Variants in PPARGC1A observed in about 807,000 individuals in gnomAD.
The protein encoded by PPARGC1A is PPARG coactivator 1 alpha, also known as peroxisome proliferator-activated receptor gamma coactivator 1-alpha.
Under a neutral mutation model 88.7 loss-of-function variants are expected in PPARGC1A, and 25 were observed. The observed-to-expected ratio is 0.28, with a 90% CI of 0.21 to 0.39. The LOEUF (loss-of-function observed/expected upper bound fraction) is 0.39, where lower values mean the gene tolerates loss of function less well. PPARGC1A is among the 10% of genes least tolerant of loss of function. The pLI, the probability that PPARGC1A is intolerant of heterozygous loss-of-function variation, is 1.00. For synonymous variants in PPARGC1A, 363 were observed against 355.6 expected, an observed-to-expected ratio of 1.02 and a Z score of -0.24; for missense variants, 880 against 968.7, an observed-to-expected ratio of 0.91 and a Z score of 1.22.
rs561719414 is a variant in PPARGC1A at position 23,806,919 on chromosome 4, T to C, written c.2020-4574A>G. On this transcript the variant is annotated intron_variant, in intron 10 of 12. Transcript: ENST00000264867. The stretch of plus-strand genomic sequence containing the variant: ...TTGAACTCTTAGCTATGCCAAGTAC[T>C]GCATTTAATGCTTTTAATGGGTGAT... Among the ~76,000 whole-genome samples the C allele has an allele frequency of 1.3e-4, 20 of 152,340 alleles. No homozygotes were observed. The South Asian group carries it at 3.3e-3, about 25-fold the overall frequency.
the PPARGC1A span, among the ~76,000 whole-genome samples, chr4:24,141,652 A>C: frequency 2.6e-5 from 4 of 152,208 alleles, no homozygotes; most frequent in Non-Finnish European, 1.5e-5. Context: ...CGAAATGACC[A>C]TCGAGGCATC....
chr4:24,407,354 G>A, the PPARGC1A span, among the ~76,000 whole-genome samples: 37 of 152,154 alleles, frequency 2.4e-4, no homozygotes, highest in Admixed American at 1.2e-3. Context: ...AACATGAAAC[G>A]AGGGCGTCAT....
At position 23,834,329 on chromosome 4, in the gene PPARGC1A, A is replaced by T. The variant is rs145019275; in HGVS notation, c.235-2578T>A. ...AAAACATATATATATACACACACAC[A>T]TATATATAAATTAGCTGGGTGTGGT... On this transcript the variant is annotated intron_variant, in intron 2 of 12. Transcript: ENST00000264867. Among the ~76,000 whole-genome samples, 34 of 151,926 alleles carry T rather than the reference A, an allele frequency of 2.2e-4. No individual in the cohort carries two copies. The East Asian group carries it at 6.4e-3, about 29-fold the overall frequency.
chr4:24,325,491 T>C, the PPARGC1A span, among the ~76,000 whole-genome samples: 149,804 of 152,202 alleles, frequency 0.98, 73,776 homozygotes, highest in East Asian at 1. Context: ...GCTACAAGTG[T>C]CAGAAATCTG....
chr4:23,838,973 C>A (rs1182556271), intron 2 of PPARGC1A, among the ~76,000 whole-genome samples: 1 of 152,080 alleles, frequency 6.6e-6, no homozygotes, highest in Non-Finnish European at 1.5e-5. Context: ...AAGCAACGAT[C>A]AAAAACCAGG....
At chr4:24,049,672 C>T in the PPARGC1A span, among the ~76,000 whole-genome samples, 2 of 152,034 alleles carry the variant, frequency 1.3e-5, no homozygotes, top group Admixed American at 6.5e-5. Context: ...CTCCTTGCCT[C>T]ATGGAGCCAT....
chr4:23,898,868 C>CT (rs1444128465), intron 1 of PPARGC1A, among the ~76,000 whole-genome samples: 2 of 132,298 alleles, frequency 1.5e-5, no homozygotes, highest in Non-Finnish European at 3.1e-5. Flanking sequence ...CAGAGTCTTG[C>CT]TTTTTTGCCC....
At chr4:24,161,895 A>G in the PPARGC1A span, among the ~76,000 whole-genome samples, 1 of 151,804 alleles carries the variant, frequency 6.6e-6, no homozygotes, top group Non-Finnish European at 1.5e-5. Flanking sequence ...AGCACAATTC[A>G]CAACTGCAAA....
At chr4:24,366,174 T>G in the PPARGC1A span, among the ~76,000 whole-genome samples, 1 of 152,182 alleles carries the variant, frequency 6.6e-6, no homozygotes, top group Non-Finnish European at 1.5e-5. Flanking sequence ...CGTTGGCACT[T>G]AAACCAAAAC....
chr4:24,038,186 G>A, the PPARGC1A span, among the ~76,000 whole-genome samples: 1 of 152,146 alleles, frequency 6.6e-6, no homozygotes, highest in African/African-American at 2.4e-5. Context: ...ACCTTGTAGA[G>A]CAAAATAACA....
chr4:23,828,218 A>G (rs752048117), intron 5 of PPARGC1A, among the ~76,000 whole-genome samples, 182 bp downstream of exon 5: 13 of 152,164 alleles, frequency 8.5e-5, no homozygotes, highest in Non-Finnish European at 1.8e-4. Flanking sequence ...GCTGAATAGA[A>G]TATGTTTAAC....
chr4:23,961,962 G>A, the PPARGC1A span, among the ~76,000 whole-genome samples: 52 of 152,198 alleles, frequency 3.4e-4, no homozygotes, highest in African/African-American at 1.2e-3. Flanking sequence ...TGCAGATCAC[G>A]ACCAATAAAG....
At chr4:24,430,393 G>A in the PPARGC1A span, among the ~76,000 whole-genome samples, 2 of 151,580 alleles carry the variant, frequency 1.3e-5, no homozygotes, top group Non-Finnish European at 2.9e-5. Flanking sequence ...GAGTAGCTGG[G>A]ACTGCAGGCG....
At chr4:23,974,891 G>C in the PPARGC1A span, among the ~76,000 whole-genome samples, 1 of 139,690 alleles carries the variant, frequency 7.2e-6, no homozygotes, top group Non-Finnish European at 1.5e-5. Context: ...TCCTGACCTC[G>C]TGATCCGCCC....
At chr4:24,419,993 T>G in the PPARGC1A span, among the ~76,000 whole-genome samples, 22 of 152,332 alleles carry the variant, frequency 1.4e-4, no homozygotes, top group Non-Finnish European at 2.1e-4. Context: ...AAGTGAAAAA[T>G]AGGCTCTAAA....
intron 2 of PPARGC1A, among the ~76,000 whole-genome samples, chr4:23,875,043 G>T (rs1714407772): frequency 6.6e-6 from 1 of 152,120 alleles, no homozygotes. Context: ...TGTATGCAAG[G>T]GTACAAACCT....
chr4:24,364,842 A>T, the PPARGC1A span, among the ~76,000 whole-genome samples: 1 of 152,192 alleles, frequency 6.6e-6, no homozygotes, highest in African/African-American at 2.4e-5. Flanking sequence ...AACAGCTAGT[A>T]AGCTCTCAAT....
At chr4:24,346,514 G>A in the PPARGC1A span, among the ~76,000 whole-genome samples, 8 of 152,088 alleles carry the variant, frequency 5.3e-5, no homozygotes, top group African/African-American at 1.9e-4. Flanking sequence ...TAGGAAAGTT[G>A]TATTTTTCCA....
At chr4:23,956,787 A>T in the PPARGC1A span, among the ~76,000 whole-genome samples, 8 of 152,114 alleles carry the variant, frequency 5.3e-5, no homozygotes, top group African/African-American at 1.9e-4. Context: ...AAGCTCTTCA[A>T]AGTCTCACCA....
Sources: gnomAD v4.1 joint callset for allele counts (sites outside exome capture counted in the v4.1 genomes callset) on GRCh38, gnomAD v4.1.1 for gene constraint, MANE v1.5 for transcripts, NCBI Gene and HGNC (gene_info 2026-07-23, HGNC 2026-07-21) for gene names.